The following CALN1 variants were observed in gnomAD, a reference collection of about 807,000 sequenced individuals.
CALN1 encodes calneuron 1, also known as calcium-binding protein 8.
Under a neutral mutation model 30.6 loss-of-function variants are expected in CALN1, and 17 were observed. That is an observed-to-expected ratio of 0.56 (90% CI 0.38 to 0.83). The LOEUF is 0.83. Ranked by LOEUF, CALN1 falls within the 40% of genes least tolerant of loss-of-function variation. CALN1 has a pLI of 0.00. For missense variants in CALN1, 291 were observed against 354.9 expected (o/e 0.82, Z 1.45); for synonymous variants, 156 against 131.4 (o/e 1.19, Z -1.28).
chr7:72,180,144 CG>C lies in CALN1; in HGVS notation c.245-73851del, dbSNP rs142133946. On this transcript the variant is annotated intron_variant, in intron 3 of 6. Transcript: ENST00000395275. ...GACTGTCCTACATTCCAGAAGCCCACGGGGTATCATTTAGTTTGTTCCTCTG... is the reference window on the plus strand; with the variant it reads ...GACTGTCCTACATTCCAGAAGCCCACGGGTATCATTTAGTTTGTTCCTCTG... Among the ~76,000 whole-genome samples the C allele has an allele frequency of 1.7e-3, 256 of 152,306 alleles. 2 individuals are homozygous for C. The highest frequency in any genetic ancestry group is 6.8e-3 in the Middle Eastern group (2 of 294).
At position 72,096,403 on chromosome 7, in the gene CALN1, A is replaced by G. The variant is rs925740228; in HGVS notation, c.388+9748T>C. Among the ~76,000 whole-genome samples, 230 of 152,148 alleles carry G rather than the reference A, an allele frequency of 1.5e-3. 5 individuals carry two copies. The highest frequency in any genetic ancestry group is 5.0e-4 in the Non-Finnish European group (34 of 68,032). On this transcript the variant is annotated intron_variant, in intron 4 of 6. Coordinates refer to ENST00000395275, the MANE Select transcript of CALN1 (RefSeq NM_031468.4). ...GCTCCTGCAAATATCCACAAGCTCAATGACTTCTCTGTAGCCAAAGAGTTT... is the reference window on the plus strand; with the variant it reads ...GCTCCTGCAAATATCCACAAGCTCAGTGACTTCTCTGTAGCCAAAGAGTTT...
At chr7:71,806,255 C>A (rs1584258900) in intron 6 of CALN1, among the ~76,000 whole-genome samples, 1 of 141,784 alleles carries the variant, frequency 7.1e-6, no homozygotes, top group East Asian at 2.6e-4. Context: ...CGCATGCACA[C>A]ACACACACAC....
chr7:72,197,107 CTTATTGCTTAATTTG>C (rs1422346352), intron 3 of CALN1, among the ~76,000 whole-genome samples: 1 of 143,930 alleles, frequency 6.9e-6, no homozygotes, highest in Non-Finnish European at 1.5e-5. Flanking sequence ...GCCCTAATTT[CTTATTGCTTAATTTG>C]TTTTCCTATA....
At chr7:72,138,974 T>C (rs532670582) in intron 3 of CALN1, among the ~76,000 whole-genome samples, 1 of 152,236 alleles carries the variant, frequency 6.6e-6, no homozygotes, top group Non-Finnish European at 1.5e-5. Context: ...AAGCTTGCAA[T>C]GCCATCATCT....
chr7:72,140,441 C>T (rs531633199), intron 3 of CALN1, among the ~76,000 whole-genome samples: 5 of 151,800 alleles, frequency 3.3e-5, no homozygotes, highest in Non-Finnish European at 7.4e-5. Flanking sequence ...CCTCCTTCTG[C>T]TGCTCCTGTG....
At chr7:72,370,326 T>C (rs924242522) in intron 2 of CALN1, among the ~76,000 whole-genome samples, 4 of 152,200 alleles carry the variant, frequency 2.6e-5, no homozygotes, top group African/African-American at 9.6e-5. Context: ...CATCTTTAAA[T>C]TGGTAGTCTG....
intron 3 of CALN1, among the ~76,000 whole-genome samples, chr7:72,228,239 A>T (rs1233943446): frequency 1.3e-5 from 2 of 151,936 alleles, no homozygotes; most frequent in African/African-American, 4.8e-5. Flanking sequence ...GTTTCCAGGG[A>T]CTAGAAGACT....
At chr7:71,867,691 C>T (rs904157479) in intron 5 of CALN1, among the ~76,000 whole-genome samples, 2 of 151,966 alleles carry the variant, frequency 1.3e-5, no homozygotes, top group African/African-American at 4.8e-5. Flanking sequence ...CTTTGGCCTC[C>T]CAAAGTGCTG....
At chr7:72,318,710 T>TTTC (rs1698934751) in intron 2 of CALN1, among the ~76,000 whole-genome samples, 1 of 120,566 alleles carries the variant, frequency 8.3e-6, no homozygotes, top group South Asian at 2.9e-4. Context: ...GTAGCTTTTT[T>TTTC]TTTTTTTTTT....
At chr7:72,151,641 G>A (rs911350255) in intron 3 of CALN1, among the ~76,000 whole-genome samples, 2 of 152,084 alleles carry the variant, frequency 1.3e-5, no homozygotes, top group Admixed American at 6.5e-5. Flanking sequence ...GCCAGGGAAC[G>A]TTCTGAATGT....
At chr7:72,397,718 A>T (rs7791157) in intron 2 of CALN1, among the ~76,000 whole-genome samples, 2,267 of 120,424 alleles carry the variant, frequency 0.019, 43 homozygotes, top group African/African-American at 0.05. Flanking sequence ...TCTCTCTCAC[A>T]CACACACACA....
rs759111222 is a variant in CALN1, at chr7:72,278,850, C to T, written c.120-40G>A. The T allele has an allele frequency of 3.3e-5, 52 of 1,582,908 alleles. No homozygotes were observed. In the East Asian group the frequency reaches 6.8e-4, roughly 21 times the overall value. ...ACAGGGGAGGGGAAAAGAAAGACAT[C>T]ATCATTCATTCTTCCTTTCCTTTCT... On this transcript the variant is annotated intron_variant, in intron 2 of 6. Transcript: ENST00000395275.
chr7:71,865,831 A>G (rs1319008538), intron 5 of CALN1, among the ~76,000 whole-genome samples: 1 of 121,488 alleles, frequency 8.2e-6, no homozygotes, highest in African/African-American at 3.4e-5. Flanking sequence ...TAAAGAGTTT[A>G]AAGTTAGTTT....
intron 5 of CALN1, among the ~76,000 whole-genome samples, chr7:71,972,077 A>G (rs7795273): frequency 0.17 from 25,953 of 152,024 alleles, 2,919 homozygotes; most frequent in Middle Eastern, 0.28. Flanking sequence ...GCTCAACCCA[A>G]CTAAAAAGAG....
At chr7:72,311,549 G>A (rs1056461413) in intron 2 of CALN1, among the ~76,000 whole-genome samples, 12 of 151,534 alleles carry the variant, frequency 7.9e-5, no homozygotes, top group Admixed American at 3.3e-4. Context: ...GCTTGATCTC[G>A]GCTCACTGCA....
At chr7:72,117,664 T>C (rs1226274403) in intron 3 of CALN1, among the ~76,000 whole-genome samples, 1 of 152,076 alleles carries the variant, frequency 6.6e-6, no homozygotes, top group Admixed American at 6.6e-5. Flanking sequence ...TGCTTAAGAA[T>C]GAGTCACTGT....
chr7:72,316,360 C>T (rs1426138092), intron 2 of CALN1, among the ~76,000 whole-genome samples: 1 of 149,668 alleles, frequency 6.7e-6, no homozygotes, highest in Non-Finnish European at 1.5e-5. Context: ...CGGCAAAAAC[C>T]GCAATTACTT....
chr7:72,189,235 T>C (rs1292504187), intron 3 of CALN1, among the ~76,000 whole-genome samples: 1 of 152,190 alleles, frequency 6.6e-6, no homozygotes, highest in Non-Finnish European at 1.5e-5. Context: ...CCTTTGGGGT[T>C]GATGTCAGGG....
At chr7:72,357,587 A>G (rs1803309364) in intron 2 of CALN1, among the ~76,000 whole-genome samples, 1 of 151,836 alleles carries the variant, frequency 6.6e-6, no homozygotes, top group Non-Finnish European at 1.5e-5. Flanking sequence ...TTTTAAATAC[A>G]CAAATGAGAC....
Sources: gnomAD v4.1 joint callset for allele counts (sites outside exome capture counted in the v4.1 genomes callset) on GRCh38, gnomAD v4.1.1 for gene constraint, MANE v1.5 for transcripts, NCBI Gene and HGNC (gene_info 2026-07-23, HGNC 2026-07-21) for gene names.